Variants in FGL1 observed in about 807,000 individuals in gnomAD.
The protein encoded by FGL1 is fibrinogen-like protein 1.
In FGL1, 59 loss-of-function variants were observed where a neutral mutation model predicts 43.7. The observed-to-expected ratio is 1.35, with a 90% CI of 1.10 to 1.68. FGL1 has a LOEUF of 1.68. Among genes scored for constraint, FGL1 ranks in the 40% most tolerant of loss-of-function variants. FGL1 has a pLI of 0.00. For missense variants in FGL1, 596 were observed against 373.0 expected (o/e 1.60, Z -4.92); for synonymous variants, 192 against 126.5 (o/e 1.52, Z -3.48).
At chr8:17,875,539 T>TCTCTCTC (rs1563452393) in intron 3 of FGL1, among the ~76,000 whole-genome samples, 3 of 14,696 alleles carry the variant, frequency 2.0e-4, no homozygotes, top group Admixed American at 6.4e-4. Flanking sequence ...TTCTTTCTCT[T>TCTCTCTC]TCTTTCTTTC....
chr8:17,875,023 T>A (rs1267489856), intron 3 of FGL1, among the ~76,000 whole-genome samples: 1 of 152,138 alleles, frequency 6.6e-6, no homozygotes, highest in African/African-American at 2.4e-5. Flanking sequence ...AACTTACAGT[T>A]TTATCAGACG....
intron 5 of FGL1, among the ~76,000 whole-genome samples, chr8:17,869,906 G>T (rs1328498459): frequency 6.6e-6 from 1 of 152,132 alleles, no homozygotes; most frequent in Non-Finnish European, 1.5e-5. Flanking sequence ...TCAGGAGATA[G>T]AGACCATCCT....
At position 17,868,975 on chromosome 8, in the gene FGL1, C is replaced by T; in HGVS notation, c.532G>A (p.Asp178Asn). 1 of 1,603,270 alleles carries T rather than the reference C, an allele frequency of 6.2e-7. No homozygotes were observed. The highest frequency in any genetic ancestry group is 8.5e-7 in the Non-Finnish European group (1 of 1,176,412). ...GCATAACGGCTATTTTTTTCAAAAT[C>T]TGCAAGGTCGATTTTTAAAGTGTAG... ...EDYTLKIDLA[D>N]FEKNSRYAQY... Residue 178 changes from aspartate to asparagine, a missense_variant, in exon 6 of 8, where the codon GAT (aspartate) becomes AAT (asparagine). By Grantham distance (23) the Asp-to-Asn change is conservative. Transcript: ENST00000427924.
intron 1 of FGL1, chr8:17,891,833 C>CTCTTTT: frequency 1.0e-6 from 1 of 974,854 alleles, no homozygotes; most frequent in African/African-American, 1.7e-5. Context: ...AAAATAACTA[C>CTCTTTT]TCTTAATGAA....
At chr8:17,884,147 G>C (rs558416235) in intron 2 of FGL1, among the ~76,000 whole-genome samples, 1 of 133,960 alleles carries the variant, frequency 7.5e-6, no homozygotes, top group Non-Finnish European at 1.6e-5. Context: ...CTAGGTCCAA[G>C]TCACAGAACC....
At chr8:17,879,744 C>T (rs1202315301) in intron 3 of FGL1, among the ~76,000 whole-genome samples, 9 of 151,556 alleles carry the variant, frequency 5.9e-5, no homozygotes, top group African/African-American at 2.0e-4. Flanking sequence ...TCTTTATAAA[C>T]GACCCAGCCT....
Position 17,895,216 on chromosome 8 carries a change from C to G in FGL1, c.-18+231G>C, listed in dbSNP as rs980540155. The G allele has an allele frequency of 9.4e-6, 8 of 847,454 alleles. No homozygotes were observed. The African/African-American group carries it at 1.3e-4, about 14-fold the overall frequency. 52.5% of individuals were successfully genotyped at this position (847,454 alleles called of 1,614,324 possible). A position where few individuals can be genotyped will look rare whatever the true frequency, so the allele number is the denominator to read the frequency against. On this transcript the variant is annotated intron_variant, in intron 1 of 7. Coordinates refer to ENST00000427924, the MANE Select transcript of FGL1 (RefSeq NM_004467.4). ...TTTTCCATTTTCCTCATTTGTAATT[C>G]TAACATACCTTATTTGTATATCTGT... is the stretch of plus-strand genomic sequence containing the variant.
chr8:17,883,755 C>G (rs1363672922), intron 2 of FGL1, among the ~76,000 whole-genome samples: 1 of 147,740 alleles, frequency 6.8e-6, no homozygotes, highest in Non-Finnish European at 1.5e-5. Flanking sequence ...AGTCATGGAA[C>G]CTCTCCCAGC....
intron 3 of FGL1, among the ~76,000 whole-genome samples, chr8:17,875,535 C>CTTTCTT (rs1554564386): frequency 3.5e-4 from 9 of 25,458 alleles, no homozygotes; most frequent in African/African-American, 4.3e-4. Context: ...TTCTTTCTTT[C>CTTTCTT]TCTTTCTTTC....
intron 1 of FGL1, among the ~76,000 whole-genome samples, chr8:17,888,143 TA>T (rs2053655813): frequency 6.6e-6 from 1 of 151,982 alleles, no homozygotes; most frequent in Admixed American, 6.6e-5. Context: ...TTGCTTATGT[TA>T]AAAATAGAGA....
At chr8:17,892,403 T>G (rs1585154553) in intron 1 of FGL1, among the ~76,000 whole-genome samples, 1 of 151,748 alleles carries the variant, frequency 6.6e-6, no homozygotes, top group East Asian at 1.9e-4. Context: ...GACTAGAACA[T>G]GCAGAGAAAA....
chr8:17,886,424 CA>C (rs2053628964), intron 1 of FGL1, among the ~76,000 whole-genome samples: 1 of 151,598 alleles, frequency 6.6e-6, no homozygotes, highest in Non-Finnish European at 1.5e-5. Context: ...AGGGAAAGAA[CA>C]GCTAGTGTGC....
At chr8:17,886,395 C>A (rs996196231) in intron 1 of FGL1, among the ~76,000 whole-genome samples, 2 of 152,140 alleles carry the variant, frequency 1.3e-5, no homozygotes, top group African/African-American at 4.8e-5. Flanking sequence ...AAGATGCGAA[C>A]TGACAAAGTC....
intron 1 of FGL1, among the ~76,000 whole-genome samples, chr8:17,893,462 G>T (rs2053734920): frequency 6.7e-6 from 1 of 149,776 alleles, no homozygotes; most frequent in Non-Finnish European, 1.5e-5. Context: ...TATAAATATT[G>T]CTTAGCATTA....
Position 17,877,638 on chromosome 8 carries a change from G to C in FGL1, c.245-3117C>G, listed in dbSNP as rs190268738. The stretch of plus-strand genomic sequence containing the variant: ...GAAAAAAAAAAAAGGATAAAGGAAG[G>C]TGGGTACATAGTAGGTGTATGTATT... On this transcript the variant is annotated intron_variant, in intron 3 of 7. Coordinates refer to ENST00000427924, the MANE Select transcript of FGL1 (RefSeq NM_004467.4). 1.7e-4 allele frequency among the ~76,000 whole-genome samples: 26 copies of C among 152,022 alleles called. 1 individual carries two copies. The highest frequency in any genetic ancestry group is 3.4e-3 in the Middle Eastern group (1 of 292).
At chr8:17,890,361 T>C (rs2053686860) in intron 1 of FGL1, among the ~76,000 whole-genome samples, 1 of 152,194 alleles carries the variant, frequency 6.6e-6, no homozygotes, top group African/African-American at 2.4e-5. Context: ...AGCATCCACC[T>C]CCTCAACACA....
chr8:17,882,212 C>T, intron 2 of FGL1, 33 bp from the exon 3 acceptor site: 2 of 1,529,340 alleles, frequency 1.3e-6, no homozygotes, highest in East Asian at 2.3e-5. Flanking sequence ...TGAGTATGCA[C>T]CTCATTTTCA....
chr8:17,880,609 A>G (rs986509977), intron 3 of FGL1, among the ~76,000 whole-genome samples: 4 of 152,208 alleles, frequency 2.6e-5, no homozygotes, highest in Non-Finnish European at 5.9e-5. Flanking sequence ...ACAGGGAGAT[A>G]AAAGTACATT....
chr8:17,874,569 C>T (rs745906896), intron 3 of FGL1, 48 bp from the exon 4 acceptor site: 1 of 1,518,496 alleles, frequency 6.6e-7, no homozygotes, highest in East Asian at 2.3e-5. Flanking sequence ...GTCTTTTTCT[C>T]CCCCCGCCTT....
Sources: allele counts gnomAD v4.1 joint callset (sites outside exome capture counted in the v4.1 genomes callset), GRCh38; gene constraint gnomAD v4.1.1; transcripts MANE v1.5; gene names NCBI Gene and HGNC (gene_info 2026-07-23, HGNC 2026-07-21).